The following RIMS1 variants were observed in gnomAD, a reference collection of about 807,000 sequenced individuals.
RIMS1 encodes the protein regulating synaptic membrane exocytosis protein 1.
A neutral mutation model predicts 214.1 loss-of-function variants in RIMS1; 83 were observed. The ratio of observed to expected loss-of-function variants is 0.39; its 90% CI spans 0.32 to 0.47. RIMS1 has a LOEUF of 0.47. Ranked by LOEUF, RIMS1 falls within the 20% of genes least tolerant of loss-of-function variation. The probability of loss-of-function intolerance (pLI) is 0.99; values close to 1 mark genes in which losing one functional copy is unlikely to be tolerated. For missense variants in RIMS1, 2,050 were observed against 2,161.8 expected, an observed-to-expected ratio of 0.95 and a Z score of 1.03; for synonymous variants, 793 against 786.8, an observed-to-expected ratio of 1.01 and a Z score of -0.13.
chr6:72,394,415 T>C (rs1172567178), intron 31 of RIMS1, among the ~76,000 whole-genome samples: 1 of 152,054 alleles, frequency 6.6e-6, no homozygotes, highest in East Asian at 1.9e-4. Flanking sequence ...ATATAAATAT[T>C]AATATTGGGA....
intron 12 of RIMS1, among the ~76,000 whole-genome samples, chr6:72,248,926 C>T (rs2071629273): frequency 6.6e-6 from 1 of 152,034 alleles, no homozygotes; most frequent in African/African-American, 2.4e-5. Flanking sequence ...TTGGGTTTAT[C>T]TGCCGGCCAT....
At chr6:71,893,791 T>C (rs1052343039) in intron 1 of RIMS1, among the ~76,000 whole-genome samples, 1 of 152,234 alleles carries the variant, frequency 6.6e-6, no homozygotes, top group African/African-American at 2.4e-5. Flanking sequence ...TTTCTGCTTC[T>C]GTTGCAATAT....
chr6:72,278,723 C>T (rs932618834), intron 23 of RIMS1, among the ~76,000 whole-genome samples: 6 of 152,048 alleles, frequency 3.9e-5, no homozygotes, highest in Admixed American at 3.3e-4. Context: ...TTAATAGCTA[C>T]AGTCGTATAC....
chr6:72,332,137 C>T (rs2096682040), intron 28 of RIMS1, among the ~76,000 whole-genome samples: 1 of 151,736 alleles, frequency 6.6e-6, no homozygotes, highest in Non-Finnish European at 1.5e-5. Flanking sequence ...AGGATTTTTT[C>T]TGACTCACAT....
At chr6:72,002,360 G>C (rs899763893) in intron 2 of RIMS1, among the ~76,000 whole-genome samples, 1 of 151,924 alleles carries the variant, frequency 6.6e-6, no homozygotes, top group Non-Finnish European at 1.5e-5. Flanking sequence ...AGGTGATGTA[G>C]CAGCCGTGGC....
chr6:72,296,169 A>G (rs1563717417), intron 26 of RIMS1, among the ~76,000 whole-genome samples: 1 of 151,796 alleles, frequency 6.6e-6, no homozygotes, highest in Non-Finnish European at 1.5e-5. Flanking sequence ...CTTTAAAATT[A>G]ATGTTTTTTA....
intron 6 of RIMS1, among the ~76,000 whole-genome samples, chr6:72,215,630 A>C (rs1280497405): frequency 6.6e-6 from 1 of 152,238 alleles, no homozygotes; most frequent in East Asian, 1.9e-4. Context: ...TTTGGCACTT[A>C]ATAAGCATTC....
At chr6:72,107,899 G>C (rs2035089947) in intron 4 of RIMS1, among the ~76,000 whole-genome samples, 1 of 152,184 alleles carries the variant, frequency 6.6e-6, no homozygotes. Context: ...ACACTAGATT[G>C]ATCACAAGGC....
chr6:72,016,728 A>G (rs993410447), intron 2 of RIMS1, among the ~76,000 whole-genome samples: 3 of 152,064 alleles, frequency 2.0e-5, no homozygotes, highest in Admixed American at 6.6e-5. Flanking sequence ...TCTTCTTTTA[A>G]CTGTATTTGA....
At chr6:71,967,552 C>A (rs1794794472) in intron 1 of RIMS1, among the ~76,000 whole-genome samples, 1 of 152,170 alleles carries the variant, frequency 6.6e-6, no homozygotes, top group South Asian at 2.1e-4. Flanking sequence ...TCCCTAGCAA[C>A]TGCATTCCTG....
chr6:72,200,215 A>G (rs548233745), intron 6 of RIMS1, among the ~76,000 whole-genome samples: 15 of 152,112 alleles, frequency 9.9e-5, no homozygotes, highest in African/African-American at 3.6e-4. Context: ...CTCTTTTTAT[A>G]CTAGTTTCTC....
chr6:71,966,798 A>T (rs1729949854), intron 1 of RIMS1, among the ~76,000 whole-genome samples: 1 of 152,144 alleles, frequency 6.6e-6, no homozygotes, highest in Admixed American at 6.5e-5. Context: ...GCTGGATTAC[A>T]GGCGTGAGCC....
chr6:72,118,220 T>G (rs1262231200), intron 4 of RIMS1, among the ~76,000 whole-genome samples: 1 of 151,338 alleles, frequency 6.6e-6, no homozygotes, highest in Non-Finnish European at 1.5e-5. Flanking sequence ...CTAGATTAAA[T>G]CAGGAAGATA....
rs372694008 is a variant in RIMS1, at chr6:72,281,650, C to A, written c.3483-2397C>A. 4.6e-5 allele frequency among the ~76,000 whole-genome samples: 7 copies of A among 152,136 alleles called. No individual in the cohort carries two copies. In the East Asian group the frequency reaches 7.8e-4, roughly 17 times the overall value. On this transcript the variant is annotated intron_variant, in intron 23 of 33. Transcript: ENST00000521978. ...AATCATCTCTCTTGACCCCTGCCTTCTTATTATTTCCTATTATTTCTTCCC... is the reference window on the plus strand; with the variant it reads ...AATCATCTCTCTTGACCCCTGCCTTATTATTATTTCCTATTATTTCTTCCC...
At chr6:72,341,091 T>C (rs2097070281) in intron 29 of RIMS1, among the ~76,000 whole-genome samples, 1 of 151,982 alleles carries the variant, frequency 6.6e-6, no homozygotes, top group Admixed American at 6.6e-5. Context: ...GTTTGTCTGT[T>C]ATTGGTGTAT....
chr6:72,077,706 A>G (rs539718174), intron 2 of RIMS1, among the ~76,000 whole-genome samples: 6 of 152,344 alleles, frequency 3.9e-5, no homozygotes, highest in African/African-American at 1.2e-4. Context: ...TTACACCAAC[A>G]TTCTCTAAAG....
At chr6:71,903,791 A>C (rs1774466112) in intron 1 of RIMS1, among the ~76,000 whole-genome samples, 1 of 152,018 alleles carries the variant, frequency 6.6e-6, no homozygotes, top group South Asian at 2.1e-4. Context: ...AATTTGACTA[A>C]GTCTGCATGC....
intron 2 of RIMS1, among the ~76,000 whole-genome samples, chr6:72,060,276 GCT>G (rs1174155942): frequency 6.6e-5 from 10 of 152,052 alleles, no homozygotes; most frequent in Admixed American, 6.6e-4. Context: ...GCCTGAAGCT[GCT>G]TTTTACAGAA....
chr6:72,212,904 G>A (rs2054074168), intron 6 of RIMS1: 3 of 1,327,178 alleles, frequency 2.3e-6, no homozygotes, highest in Non-Finnish European at 2.9e-6. Flanking sequence ...CACAGTGCCT[G>A]CAGTGACCTG....
Sources: allele counts gnomAD v4.1 joint callset (sites outside exome capture counted in the v4.1 genomes callset), GRCh38; gene constraint gnomAD v4.1.1; transcripts MANE v1.5; gene names NCBI Gene and HGNC (gene_info 2026-07-23, HGNC 2026-07-21).